HACL1: variants seen among roughly 807,000 people sequenced by gnomAD.
The protein encoded by HACL1 is 2-hydroxyacyl-CoA lyase 1.
HACL1 carries 64 observed loss-of-function variants against 74.2 expected under a neutral mutation model. The observed-to-expected ratio is 0.86, with a 90% confidence interval of 0.70 to 1.06. The LOEUF is 1.06. Among genes scored for constraint, HACL1 ranks in the 50% least tolerant of loss-of-function variants. The probability of loss-of-function intolerance (pLI) is 0.00; values close to 1 mark genes in which losing one functional copy is unlikely to be tolerated. For missense variants in HACL1, 728 were observed against 719.7 expected, an observed-to-expected ratio of 1.01 and a Z score of -0.13; for synonymous variants, 230 against 238.8, an observed-to-expected ratio of 0.96 and a Z score of 0.34.
chr3:15,588,082 CAG>C (rs1462131136), intron 5 of HACL1, among the ~76,000 whole-genome samples: 1 of 151,922 alleles, frequency 6.6e-6, no homozygotes, highest in African/African-American at 2.4e-5. Context: ...TTAGTAGAGA[CAG>C]AGTTTCACCA....
intron 3 of HACL1, among the ~76,000 whole-genome samples, chr3:15,595,687 G>A (rs997590061): frequency 3.3e-4 from 44 of 134,592 alleles, no homozygotes; most frequent in Non-Finnish European, 1.5e-5. Flanking sequence ...TCAGCTCACT[G>A]CAACCTCCGC....
intron 6 of HACL1, among the ~76,000 whole-genome samples, chr3:15,585,612 C>T (rs561887896): frequency 2.2e-4 from 33 of 152,220 alleles, no homozygotes; most frequent in African/African-American, 7.2e-4. Flanking sequence ...ATTATTCACC[C>T]GGCTCTGCCT....
chr3:15,588,537 G>A (rs2063831550), intron 5 of HACL1, among the ~76,000 whole-genome samples: 2 of 152,006 alleles, frequency 1.3e-5, no homozygotes, highest in South Asian at 4.1e-4. Context: ...AGGCTGCAGT[G>A]AGCCAAGACT....
chr3:15,560,736 CT>C lies in HACL1; in HGVS notation c.*128del. On this transcript the variant is annotated 3_prime_UTR_variant, in exon 17 of 17. Transcript: ENST00000321169. The stretch of plus-strand genomic sequence containing the variant: ...TTTCTGTTTTTAATCAATTCCTTTA[CT>C]GTAAAATGTCATTTTAAATGTTTAT... 1 of 706,212 alleles carries C rather than the reference CT, an allele frequency of 1.4e-6. No homozygotes were observed. The highest frequency in any genetic ancestry group is 2.5e-6 in the Non-Finnish European group (1 of 400,134). The allele number at this position is 706,212 out of a possible 1,614,324, so 43.7% of individuals were successfully genotyped here.
intron 2 of HACL1, among the ~76,000 whole-genome samples, chr3:15,599,408 T>A (rs941534371): frequency 6.6e-6 from 1 of 152,188 alleles, no homozygotes; most frequent in Admixed American, 6.5e-5. Context: ...CTGGGATTAC[T>A]GGCATGTACA....
At chr3:15,568,401 T>G in intron 13 of HACL1, 31 bp downstream of exon 13, 1 of 1,393,024 alleles carries the variant, frequency 7.2e-7, no homozygotes, top group South Asian at 1.3e-5. Flanking sequence ...TTATAATGAA[T>G]TACGACTTCT....
intron 14 of HACL1, among the ~76,000 whole-genome samples, chr3:15,566,411 A>G (rs1183016747): frequency 6.6e-6 from 1 of 152,170 alleles, no homozygotes; most frequent in Non-Finnish European, 1.5e-5. Context: ...TCTAGCACTT[A>G]GAGAGGCCAA....
At chr3:15,592,435 G>GACACATGTATACATAC (rs2063944420) in intron 3 of HACL1, among the ~76,000 whole-genome samples, 2 of 140,372 alleles carry the variant, frequency 1.4e-5, no homozygotes, top group Non-Finnish European at 3.2e-5. Context: ...TATGCATGTA[G>GACACATGTATACATAC]ACACACGTAT....
intron 12 of HACL1, among the ~76,000 whole-genome samples, chr3:15,570,210 C>A (rs925253888): frequency 1.3e-5 from 2 of 151,774 alleles, no homozygotes; most frequent in African/African-American, 4.8e-5. Context: ...TGGCACACGT[C>A]TGTAGTCCCA....
At chr3:15,565,055 C>T (rs2063409672) in intron 14 of HACL1, among the ~76,000 whole-genome samples, 1 of 152,010 alleles carries the variant, frequency 6.6e-6, no homozygotes, top group South Asian at 2.1e-4. Flanking sequence ...GTCCCAGCTA[C>T]TCGGGAGGCT....
chr3:15,592,401 TGTAGACACAC>T (rs2063942252), intron 3 of HACL1, among the ~76,000 whole-genome samples: 1 of 151,106 alleles, frequency 6.6e-6, no homozygotes, highest in African/African-American at 2.4e-5. Context: ...CGTGTATACA[TGTAGACACAC>T]GTATACACAC....
Position 15,560,787 on chromosome 3 carries a change from A to G in HACL1, c.*78T>C. The G allele has an allele frequency of 1.1e-6, 1 of 909,038 alleles. No homozygotes were observed. Among genetic ancestry groups the G allele is most frequent in the Non-Finnish European group, 1.8e-6 (1 of 550,724 alleles). 56.3% of individuals were successfully genotyped at this position (909,038 alleles called of 1,614,324 possible). ...TTTTATTTTGCACAATTTTAACAGT[A>G]GAGTAATTTTGCTGTGGAAAATAAA... On this transcript the variant is annotated 3_prime_UTR_variant, in exon 17 of 17. Coordinates refer to ENST00000321169, the MANE Select transcript of HACL1 (RefSeq NM_012260.4).
chr3:15,592,001 A>G (rs2063910421), intron 3 of HACL1, among the ~76,000 whole-genome samples: 1 of 148,958 alleles, frequency 6.7e-6, no homozygotes, highest in South Asian at 2.1e-4. Flanking sequence ...TATAGTATAT[A>G]CTATATACGT....
At chr3:15,590,269 GA>G (rs1483915600) in intron 4 of HACL1, among the ~76,000 whole-genome samples, 2 of 151,658 alleles carry the variant, frequency 1.3e-5, no homozygotes, top group Non-Finnish European at 2.9e-5. Flanking sequence ...TTTCCTAAGT[GA>G]ATCTATTTAG....
intron 12 of HACL1, among the ~76,000 whole-genome samples, chr3:15,568,918 C>T (rs930705246): frequency 6.6e-6 from 1 of 152,182 alleles, no homozygotes; most frequent in Non-Finnish European, 1.5e-5. Context: ...TAAAACTAAA[C>T]GTTCTTATTT....
rs866121873 is a variant in HACL1, at chr3:15,592,584, G to A, written c.228-904C>T. Among the ~76,000 whole-genome samples, 365 of 136,518 alleles carry A rather than the reference G, an allele frequency of 2.7e-3. 12 individuals are homozygous for A. The highest frequency in any genetic ancestry group is 9.7e-3 in the African/African-American group (353 of 36,408). The allele number at this position is 136,518 out of a possible 152,430, so 89.6% of individuals were successfully genotyped here. On this transcript the variant is annotated intron_variant, in intron 3 of 16. Transcript: ENST00000321169. ...TGTATACACATGTACGCACATGTGT[G>A]CGTGTATACACATGTACGCACATGT...
intron 9 of HACL1, among the ~76,000 whole-genome samples, chr3:15,575,641 A>AAGCAACCCTCCTACCTCAGCCTCC (rs2063611910): frequency 6.6e-6 from 1 of 152,010 alleles, no homozygotes; most frequent in Non-Finnish European, 1.5e-5. Flanking sequence ...TCTCAGGCTT[A>AAGCAACCCTCCTACCTCAGCCTCC]AGCAACCCTC....
intron 16 of HACL1, among the ~76,000 whole-genome samples, chr3:15,561,497 A>G (rs906351379): frequency 6.6e-6 from 1 of 152,250 alleles, no homozygotes; most frequent in African/African-American, 2.4e-5. Flanking sequence ...TAATCCTCAT[A>G]GAATTGTAAA....
At chr3:15,577,035 T>G (rs979731364) in intron 9 of HACL1, among the ~76,000 whole-genome samples, 1 of 152,222 alleles carries the variant, frequency 6.6e-6, no homozygotes, top group Non-Finnish European at 1.5e-5. Flanking sequence ...TCTTAAAATC[T>G]GGCTAGACTG....
Sources: allele counts gnomAD v4.1 joint callset (sites outside exome capture counted in the v4.1 genomes callset), GRCh38; gene constraint gnomAD v4.1.1; transcripts MANE v1.5; gene names NCBI Gene and HGNC (gene_info 2026-07-23, HGNC 2026-07-21).